Variants in NEMP2 observed in about 807,000 individuals in gnomAD.
NEMP2 encodes nuclear envelope integral membrane protein 2, also known as UPF0571 transmembrane protein.
A neutral mutation model predicts 54.2 loss-of-function variants in NEMP2; 53 were observed. The observed-to-expected ratio is 0.98, with a 90% CI of 0.78 to 1.23. NEMP2 has a LOEUF of 1.23. Ranked by LOEUF, NEMP2 falls within the 50% of genes most tolerant of loss-of-function variation. The pLI, the probability that NEMP2 is intolerant of heterozygous loss-of-function variation, is 0.00. For missense variants in NEMP2, 455 were observed against 511.3 expected (o/e 0.89, Z 1.06); for synonymous variants, 197 against 190.3 (o/e 1.04, Z -0.29).
chr2:190,591,323 A>T, the NEMP2 span, among the ~76,000 whole-genome samples: 12 of 152,174 alleles, frequency 7.9e-5, no homozygotes, highest in Non-Finnish European at 1.5e-4. This position sits in a 1 kb window ranked among gnomAD's most constrained non-coding sequence, Gnocchi z 5.4. Flanking sequence ...TGCCTAATTG[A>T]GTCTAATATC....
the NEMP2 span, among the ~76,000 whole-genome samples, chr2:190,541,072 C>T: frequency 1.3e-4 from 19 of 151,814 alleles, no homozygotes; most frequent in Admixed American, 1.2e-3. The surrounding 1 kb of genome is among the most constrained non-coding windows in gnomAD (Gnocchi z 5.2). Context: ...GTTATGTCTC[C>T]TTTTCATTTC....
downstream of NEMP2, chr2:190,499,860 A>C (rs1346018473): frequency 6.5e-7 from 1 of 1,549,922 alleles, no homozygotes; most frequent in Non-Finnish European, 8.7e-7. This position sits in a 1 kb window ranked among gnomAD's most constrained non-coding sequence, Gnocchi z 6.0. Flanking sequence ...ATGAAAGGTA[A>C]GACATTCTAT....
At chr2:190,537,758 A>G (rs1383596969), upstream of NEMP2, among the ~76,000 whole-genome samples, 1 of 152,190 alleles carries the variant, frequency 6.6e-6, no homozygotes, top group Non-Finnish European at 1.5e-5. Context: ...GAGAAATTCA[A>G]CCCAGCTGCA....
chr2:190,435,899 A>G, the NEMP2 span: 1 of 1,244,398 alleles, frequency 8.0e-7, no homozygotes, highest in Non-Finnish European at 1.1e-6. Context: ...TAACTGCTTA[A>G]TTTCCTGCAA....
At position 190,531,140 on chromosome 2, in the gene NEMP2, T is replaced by C. The variant is rs1691130389; in HGVS notation, c.97+3419A>G. The stretch of plus-strand genomic sequence containing the variant: ...GAATTTCTAGGAATTTTTAAAAATC[T>C]AACAATAATCATTCATTTGGTCAAA... On this transcript the variant is annotated intron_variant, in intron 1 of 8. Transcript: ENST00000409150. The surrounding 1 kb of genome is among the most constrained non-coding windows in gnomAD (Gnocchi z 4.7). 1.3e-5 allele frequency among the ~76,000 whole-genome samples: 2 copies of C among 152,224 alleles called. No individual in the cohort carries two copies. The highest frequency in any genetic ancestry group is 4.1e-4 in the South Asian group (2 of 4,832).
At chr2:190,634,356 A>G in the NEMP2 span, among the ~76,000 whole-genome samples, 1 of 152,222 alleles carries the variant, frequency 6.6e-6, no homozygotes, top group African/African-American at 2.4e-5. The surrounding 1 kb of genome is among the most constrained non-coding windows in gnomAD (Gnocchi z 6.8). Context: ...TATTTTAACC[A>G]TATTACATAT....
the NEMP2 span, chr2:190,436,149 A>C: frequency 6.2e-7 from 1 of 1,614,222 alleles, no homozygotes; most frequent in Non-Finnish European, 8.5e-7. This position sits in a 1 kb window ranked among gnomAD's most constrained non-coding sequence, Gnocchi z 5.3. Context: ...CGAATGAAAC[A>C]CCTTCCTCCA....
chr2:190,504,313 C>G (rs538139940), downstream of NEMP2: 1 of 152,122 alleles, frequency 6.6e-6, no homozygotes, highest in Non-Finnish European at 1.5e-5. This position sits in a 1 kb window ranked among gnomAD's most constrained non-coding sequence, Gnocchi z 5.6. Context: ...GCAGGAGGAG[C>G]GCTGTCTCAT....
chr2:190,437,901 A>G, the NEMP2 span, among the ~76,000 whole-genome samples: 1 of 152,190 alleles, frequency 6.6e-6, no homozygotes, highest in African/African-American at 2.4e-5. This position sits in a 1 kb window ranked among gnomAD's most constrained non-coding sequence, Gnocchi z 5.9. Flanking sequence ...TATTCCATGG[A>G]GGGTCCACCT....
chr2:190,578,175 T>C, the NEMP2 span, among the ~76,000 whole-genome samples: 1 of 152,234 alleles, frequency 6.6e-6, no homozygotes, highest in African/African-American at 2.4e-5. This position sits in a 1 kb window ranked among gnomAD's most constrained non-coding sequence, Gnocchi z 4.4. Flanking sequence ...GACACCATAT[T>C]GTAAATCTGA....
chr2:190,605,347 T>C, the NEMP2 span, among the ~76,000 whole-genome samples: 1 of 150,784 alleles, frequency 6.6e-6, no homozygotes, highest in African/African-American at 2.4e-5. Context: ...ACGTCTTTTT[T>C]TAATTTTTTT....
chr2:190,518,382 A>T (rs1380349499), intron 4 of NEMP2, among the ~76,000 whole-genome samples: 2 of 152,178 alleles, frequency 1.3e-5, no homozygotes, highest in Admixed American at 1.3e-4. Context: ...TGGACCAGAA[A>T]ACCAGGGAAC....
At chr2:190,541,110 C>T in the NEMP2 span, among the ~76,000 whole-genome samples, 3 of 151,696 alleles carry the variant, frequency 2.0e-5, no homozygotes, top group Non-Finnish European at 2.9e-5. This position sits in a 1 kb window ranked among gnomAD's most constrained non-coding sequence, Gnocchi z 5.2. Flanking sequence ...GTCTTCTCTT[C>T]TGAATTAGTC....
the NEMP2 span, chr2:190,624,438 G>C: frequency 6.6e-6 from 1 of 152,104 alleles, no homozygotes; most frequent in African/African-American, 2.4e-5. Context: ...CAATCCTACT[G>C]CTAAAGACTT....
chr2:190,565,182 C>G, the NEMP2 span, among the ~76,000 whole-genome samples: 1 of 151,884 alleles, frequency 6.6e-6, no homozygotes, highest in African/African-American at 2.4e-5. Context: ...TCAAGAGACA[C>G]CCAGTAGGAA....
chr2:190,483,563 G>A, the NEMP2 span, among the ~76,000 whole-genome samples: 7 of 152,118 alleles, frequency 4.6e-5, no homozygotes, highest in Non-Finnish European at 8.8e-5. Context: ...AGGGTTGGGC[G>A]CAGTGGCTCA....
the NEMP2 span, among the ~76,000 whole-genome samples, chr2:190,548,127 G>T: frequency 0.017 from 2,553 of 152,232 alleles, 23 homozygotes; most frequent in Non-Finnish European, 0.027. Context: ...CATGCATTCT[G>T]CAGGTTAGAA....
rs564479754 is a variant in NEMP2 at position 190,528,525 on chromosome 2, G to A, written c.98-3147C>T. Among the ~76,000 whole-genome samples, 9 of 152,190 alleles carry A rather than the reference G, an allele frequency of 5.9e-5. No homozygotes were observed. The South Asian group carries it at 1.9e-3, about 32-fold the overall frequency. ...GAAGAGCATGAAGTCTCAGGTACAC[G>A]GACCCAGCAGCCCAAACTATGATAA... is the stretch of plus-strand genomic sequence containing the variant. On this transcript the variant is annotated intron_variant, in intron 1 of 8. Transcript: ENST00000409150. This position sits in a 1 kb window ranked among gnomAD's most constrained non-coding sequence, Gnocchi z 4.3.
the NEMP2 span, among the ~76,000 whole-genome samples, chr2:190,567,412 C>T: frequency 2.0e-5 from 3 of 151,604 alleles, no homozygotes; most frequent in Admixed American, 6.6e-5. This position sits in a 1 kb window ranked among gnomAD's most constrained non-coding sequence, Gnocchi z 4.0. Context: ...GTCTAAAAAT[C>T]GAAGGTACCA....
Sources: gnomAD v4.1 joint callset for allele counts (sites outside exome capture counted in the v4.1 genomes callset) on GRCh38, gnomAD v4.1.1 for gene constraint, Gnocchi (gnomAD v3.1) non-coding constraint, MANE v1.5 for transcripts, NCBI Gene and HGNC (gene_info 2026-07-23, HGNC 2026-07-21) for gene names.